Variants in SAXO1 observed in about 807,000 individuals in gnomAD.
The protein encoded by SAXO1 is 4930500O09Rik.
In SAXO1, 21 loss-of-function variants were observed where a neutral mutation model predicts 17.5. The observed-to-expected ratio is 1.20, with a 90% CI of 0.85 to 1.72. SAXO1 has a LOEUF of 1.72. Ranked by LOEUF, SAXO1 falls within the 40% of genes most tolerant of loss-of-function variation. The pLI, the probability that SAXO1 is intolerant of heterozygous loss-of-function variation, is 0.00. For synonymous variants in SAXO1, 274 were observed against 216.5 expected (o/e 1.27, Z -2.33); for missense variants, 843 against 596.0 (o/e 1.41, Z -4.32).
chr9:19,042,250 T>C (rs1428090981), intron 1 of SAXO1, among the ~76,000 whole-genome samples: 1 of 152,200 alleles, frequency 6.6e-6, no homozygotes, highest in South Asian at 2.1e-4. Context: ...AGATATCATG[T>C]CACCCCAGTT....
At chr9:19,030,109 T>C (rs1835688478) in intron 1 of SAXO1, among the ~76,000 whole-genome samples, 2 of 152,118 alleles carry the variant, frequency 1.3e-5, no homozygotes, top group Admixed American at 6.5e-5. Flanking sequence ...ACAGGGAACT[T>C]GCAAGTGAAA....
Position 18,928,906 on chromosome 9 carries a change from G to C in SAXO1, c.571C>G (p.Leu191Val), listed in dbSNP as rs1220637439. Residue 191 changes from leucine to valine, a missense_variant, in exon 4 of 4, where the codon CTG (leucine) becomes GTG (valine). Coordinates refer to ENST00000380534, the MANE Select transcript of SAXO1 (RefSeq NM_153707.4). ...ATGTTACAGAGCTTTGGCATGGCCA[G>C]AGGTTTACAGCTTATGGTCTTCACA... ...GLVKTISCKPLAMPKLCNIPL... is the reference protein window; with the variant it reads ...GLVKTISCKPVAMPKLCNIPL... 5 of 1,614,192 alleles carry C rather than the reference G, an allele frequency of 3.1e-6. No individual in the cohort carries two copies. The highest frequency in any genetic ancestry group is 4.2e-6 in the Non-Finnish European group (5 of 1,180,036).
chr9:19,010,192 C>G (rs1834670030), intron 1 of SAXO1, among the ~76,000 whole-genome samples: 1 of 151,984 alleles, frequency 6.6e-6, no homozygotes, highest in Non-Finnish European at 1.5e-5. Context: ...AAGTTGAAAC[C>G]TAGTAAGGTT....
chr9:18,938,826 G>GTGTGTGTATGTGTGTA (rs1831417220), intron 3 of SAXO1, among the ~76,000 whole-genome samples: 1 of 80,648 alleles, frequency 1.2e-5, no homozygotes, highest in South Asian at 5.1e-4. Flanking sequence ...GCGTGCGTGT[G>GTGTGTGTATGTGTGTA]TGTGTGTGTG....
intron 1 of SAXO1, among the ~76,000 whole-genome samples, chr9:18,995,943 G>C (rs1204924148): frequency 6.6e-6 from 1 of 152,006 alleles, no homozygotes; most frequent in African/African-American, 2.4e-5. Flanking sequence ...GCTGGAAGTG[G>C]TGGTGTACGC....
At chr9:18,981,147 TAGTGCTTCTCCAC>T (rs1292827272) in intron 1 of SAXO1, among the ~76,000 whole-genome samples, 1 of 152,236 alleles carries the variant, frequency 6.6e-6, no homozygotes, top group Admixed American at 6.5e-5. Flanking sequence ...ACTTTAACAG[TAGTGCTTCTCCAC>T]AGTGCTTCTA....
At chr9:19,031,024 A>G (rs978766475) in intron 1 of SAXO1, among the ~76,000 whole-genome samples, 2 of 152,228 alleles carry the variant, frequency 1.3e-5, no homozygotes, top group South Asian at 2.1e-4. Flanking sequence ...TCTGCTTCCA[A>G]TGGAAAGTGA....
intron 1 of SAXO1, among the ~76,000 whole-genome samples, chr9:18,996,841 G>A (rs1834024991): frequency 6.6e-6 from 1 of 151,732 alleles, no homozygotes; most frequent in African/African-American, 2.4e-5. Context: ...TCTAGCCAGA[G>A]AAATGAGGCA....
intron 1 of SAXO1, among the ~76,000 whole-genome samples, chr9:18,951,277 C>G (rs1832029842): frequency 6.6e-6 from 1 of 152,120 alleles, no homozygotes; most frequent in Non-Finnish European, 1.5e-5. Context: ...CCCAGCTGCC[C>G]CAGGTCCTCC....
chr9:18,963,763 C>G (rs149459824), intron 1 of SAXO1, among the ~76,000 whole-genome samples: 2 of 152,128 alleles, frequency 1.3e-5, no homozygotes, highest in African/African-American at 4.8e-5. Flanking sequence ...CTTCCTCTCT[C>G]CTAATTGAAT....
intron 1 of SAXO1, among the ~76,000 whole-genome samples, chr9:18,993,147 G>A (rs890982034): frequency 1.3e-5 from 2 of 151,710 alleles, no homozygotes; most frequent in Non-Finnish European, 2.9e-5. Flanking sequence ...TATATGTGCA[G>A]AGTGTACAGG....
At chr9:19,042,258 G>T (rs1158383514) in intron 1 of SAXO1, among the ~76,000 whole-genome samples, 1 of 152,192 alleles carries the variant, frequency 6.6e-6, no homozygotes, top group African/African-American at 2.4e-5. Flanking sequence ...TGTCACCCCA[G>T]TTAAAATGGC....
intron 1 of SAXO1, among the ~76,000 whole-genome samples, chr9:19,030,718 T>G (rs559741496): frequency 2.3e-4 from 35 of 151,724 alleles, no homozygotes; most frequent in African/African-American, 7.3e-4. Flanking sequence ...AATAAAAAAA[T>G]AAGAAGAAGA....
At chr9:18,954,736 T>G (rs73645544) in intron 1 of SAXO1, among the ~76,000 whole-genome samples, 3,101 of 152,268 alleles carry the variant, frequency 0.02, 92 homozygotes, top group African/African-American at 0.068. Context: ...TTCCGAATGA[T>G]GTACATGAAC....
intron 1 of SAXO1, among the ~76,000 whole-genome samples, chr9:18,989,140 A>T (rs1833705276): frequency 6.6e-6 from 1 of 152,198 alleles, no homozygotes; most frequent in Admixed American, 6.5e-5. Context: ...AAAATGGCAA[A>T]TATCCCACCT....
chr9:18,932,060 C>A (rs117238824), intron 3 of SAXO1, among the ~76,000 whole-genome samples: 1 of 152,124 alleles, frequency 6.6e-6, no homozygotes, highest in Non-Finnish European at 1.5e-5. Flanking sequence ...TTTTGAATTG[C>A]GATAAAGTCC....
At chr9:19,015,830 C>T (rs1307420277) in intron 1 of SAXO1, among the ~76,000 whole-genome samples, 1 of 152,100 alleles carries the variant, frequency 6.6e-6, no homozygotes, top group Non-Finnish European at 1.5e-5. Context: ...GGTTGACACT[C>T]AATGAAGTAA....
intron 1 of SAXO1, among the ~76,000 whole-genome samples, chr9:18,990,279 A>G (rs554640539): frequency 3.3e-5 from 5 of 152,200 alleles, no homozygotes; most frequent in Admixed American, 6.5e-5. Context: ...AGGGTATAAC[A>G]AACGCTCCCA....
At chr9:19,033,350 C>T (rs1224296328), upstream of SAXO1, 1 of 169,302 alleles carries the variant, frequency 5.9e-6, no homozygotes, top group Non-Finnish European at 1.3e-5. Flanking sequence ...ACTGGCAGGC[C>T]CAGGACAGGG....
Sources: allele counts gnomAD v4.1 joint callset (sites outside exome capture counted in the v4.1 genomes callset), GRCh38; gene constraint gnomAD v4.1.1; transcripts MANE v1.5; gene names NCBI Gene and HGNC (gene_info 2026-07-23, HGNC 2026-07-21).